N4BP2L2: variants seen among roughly 807,000 people sequenced by gnomAD.
N4BP2L2 encodes NEDD4 binding protein 2 like 2.
Under a neutral mutation model 56.2 loss-of-function variants are expected in N4BP2L2, and 50 were observed. The observed-to-expected ratio is 0.89, with a 90% CI of 0.71 to 1.13. The LOEUF (loss-of-function observed/expected upper bound fraction) is 1.13, where lower values mean the gene tolerates loss of function less well. Ranked by LOEUF, N4BP2L2 falls within the 50% of genes most tolerant of loss-of-function variation. N4BP2L2 has a pLI of 0.00. For missense variants in N4BP2L2, 689 were observed against 693.8 expected (o/e 0.99, Z 0.08); for synonymous variants, 203 against 223.6 (o/e 0.91, Z 0.82).
chr13:32,538,459 C>T (rs180703879), intron 1 of N4BP2L2, among the ~76,000 whole-genome samples, 159 bp downstream of exon 1: 32 of 152,280 alleles, frequency 2.1e-4, no homozygotes, highest in African/African-American at 7.5e-4. Context: ...TGCAGACACG[C>T]TCAGGTCCTG....
chr13:32,535,948 A>G (rs780099647), exon 2 of N4BP2L2: 5 of 1,613,958 alleles, frequency 3.1e-6, no homozygotes, highest in East Asian at 4.5e-5. Flanking sequence ...CATTACTCAC[A>G]TATCGATCTT....
chr13:32,502,133 G>A (rs960659473), intron 6 of N4BP2L2, among the ~76,000 whole-genome samples: 9 of 147,656 alleles, frequency 6.1e-5, no homozygotes, highest in African/African-American at 1.5e-4. Context: ...GCACGATCTC[G>A]GCTCACTGCA....
At chr13:32,504,046 C>T (rs1174572651) in intron 6 of N4BP2L2, among the ~76,000 whole-genome samples, 1 of 152,122 alleles carries the variant, frequency 6.6e-6, no homozygotes, top group Non-Finnish European at 1.5e-5. Context: ...GAATTCTGAA[C>T]CTGGGGTCCC....
At chr13:32,498,272 T>C (rs879653569) in intron 6 of N4BP2L2, among the ~76,000 whole-genome samples, 4 of 152,188 alleles carry the variant, frequency 2.6e-5, no homozygotes, top group African/African-American at 4.8e-5. Context: ...TGCATGCAGC[T>C]GACACATAAT....
intron 6 of N4BP2L2, among the ~76,000 whole-genome samples, chr13:32,484,924 GC>G (rs2139215445): frequency 6.6e-6 from 1 of 152,222 alleles, no homozygotes; most frequent in South Asian, 2.1e-4. Flanking sequence ...ATAGCCTTTA[GC>G]CATAAAATTA....
intron 8 of N4BP2L2, among the ~76,000 whole-genome samples, chr13:32,437,039 C>T (rs2075607594): frequency 6.6e-6 from 1 of 151,930 alleles, no homozygotes; most frequent in South Asian, 2.1e-4. Context: ...TGCCACCACA[C>T]ACGGCTAATT....
intron 6 of N4BP2L2, among the ~76,000 whole-genome samples, chr13:32,475,053 T>A (rs1479510911): frequency 6.6e-6 from 1 of 152,254 alleles, no homozygotes; most frequent in Non-Finnish European, 1.5e-5. Context: ...AAAATTATAC[T>A]GTCACCATGC....
chr13:32,496,292 T>C (rs925491562), intron 6 of N4BP2L2, among the ~76,000 whole-genome samples: 17 of 152,056 alleles, frequency 1.1e-4, no homozygotes, highest in African/African-American at 4.1e-4. Context: ...GTGCCAAGAA[T>C]TGGGTCAGCT....
At chr13:32,518,048 C>T (rs1264639168) in intron 5 of N4BP2L2, 45 bp from the exon 6 acceptor site, 4 of 1,581,202 alleles carry the variant, frequency 2.5e-6, no homozygotes, top group Non-Finnish European at 2.6e-6. Flanking sequence ...GCAGAATGTA[C>T]AGGCTTAGAG....
At chr13:32,538,186 G>A (rs1021926743) in intron 1 of N4BP2L2, among the ~76,000 whole-genome samples, 1 of 152,088 alleles carries the variant, frequency 6.6e-6, no homozygotes, top group Admixed American at 6.5e-5. Flanking sequence ...TAACACGAGA[G>A]AAAGAGAAAT....
At chr13:32,472,328 A>C (rs1255667401) in intron 6 of N4BP2L2, among the ~76,000 whole-genome samples, 2 of 152,230 alleles carry the variant, frequency 1.3e-5, no homozygotes, top group African/African-American at 2.4e-5. Flanking sequence ...CGTCAATACT[A>C]AGAAGATTCC....
intron 7 of N4BP2L2, among the ~76,000 whole-genome samples, chr13:32,439,370 T>C (rs2075919090): frequency 6.6e-6 from 1 of 152,236 alleles, no homozygotes; most frequent in Non-Finnish European, 1.5e-5. Context: ...AATTAACGGA[T>C]GCTTGATCAT....
chr13:32,456,567 A>T (rs2079020924), intron 6 of N4BP2L2, among the ~76,000 whole-genome samples: 1 of 152,242 alleles, frequency 6.6e-6, no homozygotes, highest in Non-Finnish European at 1.5e-5. Context: ...AAAGAACTCA[A>T]AATAATGATA....
chr13:32,506,652 G>A (rs2090998103), downstream of N4BP2L2: 1 of 152,124 alleles, frequency 6.6e-6, no homozygotes, highest in Admixed American at 6.6e-5. Context: ...AGAAAACTTT[G>A]AAGAGCTCAA....
rs543948798 is a variant in N4BP2L2, at chr13:32,538,355, C to CCGCGTGAT, written c.-1+255_-1+262dup. ...AAAGCAACCGGGTTGCGTTAATAAACCGCGTGATCTATACACTATCCGAGC... is the reference window on the plus strand; with the variant it reads ...AAAGCAACCGGGTTGCGTTAATAAACCGCGTGATCGCGTGATCTATACACTATCCGAGC... On this transcript the variant is annotated intron_variant, in intron 1 of 5. Coordinates refer to ENST00000267068, the Ensembl canonical transcript of N4BP2L2. 2.2e-4 allele frequency among the ~76,000 whole-genome samples: 34 copies of CCGCGTGAT among 152,272 alleles called. No individual in the cohort carries two copies. In the South Asian group the frequency reaches 7.1e-3, roughly 32 times the overall value.
intron 6 of N4BP2L2, among the ~76,000 whole-genome samples, chr13:32,458,690 T>C (rs753276278): frequency 3.9e-5 from 6 of 152,186 alleles, no homozygotes; most frequent in Admixed American, 6.5e-5. Flanking sequence ...AATAATATTA[T>C]AGTTGGGGAC....
intron 6 of N4BP2L2, among the ~76,000 whole-genome samples, chr13:32,489,196 T>C (rs1010391437): frequency 6.6e-6 from 1 of 152,256 alleles, no homozygotes; most frequent in South Asian, 2.1e-4. Context: ...ATTTGGTGAC[T>C]TTCTTATTTG....
intron 6 of N4BP2L2, among the ~76,000 whole-genome samples, chr13:32,458,467 C>T (rs1011290797): frequency 6.6e-6 from 1 of 152,114 alleles, no homozygotes; most frequent in African/African-American, 2.4e-5. Flanking sequence ...AATAGACATT[C>T]CATGCAAATG....
At chr13:32,529,812 A>G (rs1594093010) in intron 2 of N4BP2L2, among the ~76,000 whole-genome samples, 1 of 144,238 alleles carries the variant, frequency 6.9e-6, no homozygotes, top group African/African-American at 2.6e-5. Flanking sequence ...TGCAACCTCC[A>G]CCTCCCAAGT....
Sources: allele counts gnomAD v4.1 joint callset (sites outside exome capture counted in the v4.1 genomes callset), GRCh38; gene constraint gnomAD v4.1.1; transcripts MANE v1.5; gene names NCBI Gene and HGNC (gene_info 2026-07-23, HGNC 2026-07-21).